Variants in SMTNL2 observed in about 807,000 individuals in gnomAD.
SMTNL2 encodes smoothelin like 2.
Under a neutral mutation model 44.1 loss-of-function variants are expected in SMTNL2, and 43 were observed. The ratio of observed to expected loss-of-function variants is 0.98; its 90% confidence interval spans 0.76 to 1.26. The LOEUF (loss-of-function observed/expected upper bound fraction) is 1.26, where lower values mean the gene tolerates loss of function less well. Among genes scored for constraint, SMTNL2 ranks in the 50% most tolerant of loss-of-function variants. SMTNL2 has a pLI of 0.00. For missense variants in SMTNL2, 646 were observed against 670.2 expected, an observed-to-expected ratio of 0.96 and a Z score of 0.40; for synonymous variants, 317 against 287.6, an observed-to-expected ratio of 1.10 and a Z score of -1.03.
intron 7 of SMTNL2, among the ~76,000 whole-genome samples, chr17:4,603,248 G>C (rs1403901899): frequency 6.6e-6 from 1 of 152,206 alleles, no homozygotes; most frequent in African/African-American, 2.4e-5. Flanking sequence ...GTTCGGAGAG[G>C]TGGGTCCTGG....
In SMTNL2 at chr17:4,595,360, C is replaced by T. The variant is rs779510443; in HGVS notation, c.989+33C>T. On this transcript the variant is annotated intron_variant, in intron 5 of 7. Transcript: ENST00000389313. This position sits in a 1 kb window ranked among gnomAD's most constrained non-coding sequence, Gnocchi z 5.1. ...TGCCCACTCACAGACAGGCCCGGCC[C>T]CACGGTGTGCCCAGACCCAGACGGG... is the stretch of plus-strand genomic sequence containing the variant. The T allele has an allele frequency of 6.2e-7, 1 of 1,602,148 alleles. No homozygotes were observed. Among genetic ancestry groups the T allele is most frequent in the Non-Finnish European group, 8.5e-7 (1 of 1,173,502 alleles).
chr17:4,606,086 G>C (rs77210589), intron 7 of SMTNL2, among the ~76,000 whole-genome samples: 11,068 of 152,136 alleles, frequency 0.073, 1,172 homozygotes, highest in African/African-American at 0.23. Context: ...GAGGGCCCTG[G>C]GGGGCTGGGG....
At position 4,595,171 on chromosome 17, in the gene SMTNL2, C is replaced by T. The variant is rs1046651219; in HGVS notation, c.833C>T (p.Ser278Leu). 8.4e-5 allele frequency: 136 copies of T among 1,613,080 alleles called. No individual in the cohort carries two copies. Among genetic ancestry groups the T allele is most frequent in the Non-Finnish European group, 1.1e-4 (127 of 1,179,998 alleles). ...NSPPLVTPPQSPVSPQPPAIT... is the reference protein window; with the variant it reads ...NSPPLVTPPQLPVSPQPPAIT... The stretch of plus-strand genomic sequence containing the variant: ...CCACCGCTGGTGACACCACCCCAGT[C>T]GCCCGTGTCCCCGCAGCCGCCAGCC... Residue 278 changes from serine to leucine, a missense_variant, in exon 5 of 8, where the codon TCG becomes TTG. By Grantham distance (145) the Ser-to-Leu change is moderately radical (BLOSUM62 -2). Transcript: ENST00000389313. The surrounding 1 kb of genome is among the most constrained non-coding windows in gnomAD (Gnocchi z 5.1).
chr17:4,584,916 C>T lies in SMTNL2; in HGVS notation c.311C>T (p.Pro104Leu). 7.7e-7 allele frequency: 1 copy of T among 1,293,608 alleles called. No homozygotes were observed. Among genetic ancestry groups the T allele is most frequent in the Non-Finnish European group, 9.7e-7 (1 of 1,026,258 alleles). The allele number at this position is 1,293,608 out of a possible 1,614,324, so 80.1% of individuals were successfully genotyped here. A position where few individuals can be genotyped will look rare whatever the true frequency, so the allele number is the denominator to read the frequency against. ...PGTPGTPSPP[P>L]APGVPDRAPR... is the part of the protein sequence containing the mutation. ...ACTCCCGGCACGCCCAGCCCCCCGCCCGCGCCCGGGGTTCCCGACCGCGCG... is the reference window on the plus strand; with the variant it reads ...ACTCCCGGCACGCCCAGCCCCCCGCTCGCGCCCGGGGTTCCCGACCGCGCG... Residue 104 changes from proline to leucine, a missense_variant, in exon 1 of 8, where the codon CCC becomes CTC. Physicochemically the swap from Pro to Leu is moderately conservative, Grantham distance 98. Coordinates refer to ENST00000389313, the MANE Select transcript of SMTNL2 (RefSeq NM_001114974.2).
Position 4,595,094 on chromosome 17 carries a change from G to A in SMTNL2, c.807-51G>A. On this transcript the variant is annotated intron_variant, in intron 4 of 7. Coordinates refer to ENST00000389313, the MANE Select transcript of SMTNL2 (RefSeq NM_001114974.2). The surrounding 1 kb of genome is among the most constrained non-coding windows in gnomAD (Gnocchi z 5.1). ...CAATGGAGACCTTGGGGCCTGGTGAGCTAGTGATGGCTGCTGGGCCCAGGT... is the reference window on the plus strand; with the variant it reads ...CAATGGAGACCTTGGGGCCTGGTGAACTAGTGATGGCTGCTGGGCCCAGGT... The A allele has an allele frequency of 1.2e-6, 2 of 1,611,584 alleles. No individual in the cohort carries two copies. The highest frequency in any genetic ancestry group is 1.7e-6 in the Non-Finnish European group (2 of 1,179,066).
At chr17:4,597,390 G>A (rs1909865179) in intron 7 of SMTNL2, 67 bp downstream of exon 7, 8 of 1,584,598 alleles carry the variant, frequency 5.0e-6, no homozygotes, top group Non-Finnish European at 2.6e-6. Flanking sequence ...TCTTCCCCAG[G>A]TGGGGCATGG....
chr17:4,597,115 C>G, intron 6 of SMTNL2, 57 bp from the exon 7 acceptor site: 1 of 1,581,204 alleles, frequency 6.3e-7, no homozygotes, highest in East Asian at 2.3e-5. Flanking sequence ...GGTAATTATG[C>G]CTTCCGAGTG....
chr17:4,591,724 G>A (rs1909579575), intron 1 of SMTNL2, among the ~76,000 whole-genome samples: 1 of 152,224 alleles, frequency 6.6e-6, no homozygotes, highest in Admixed American at 6.5e-5. Context: ...TGGCAGCACA[G>A]CCTGGATCCC....
upstream of SMTNL2, among the ~76,000 whole-genome samples, chr17:4,584,323 C>CGAAG (rs1197333397): frequency 1.3e-5 from 2 of 152,172 alleles, no homozygotes; most frequent in Non-Finnish European, 2.9e-5. Context: ...CCGCCCCTCC[C>CGAAG]GCAGGCCGCA....
At position 4,600,210 on chromosome 17, in the gene SMTNL2, A is replaced by T. The variant is rs920004340; in HGVS notation, c.1259+2887A>T. On this transcript the variant is annotated intron_variant, in intron 7 of 7. Transcript: ENST00000389313. The surrounding 1 kb of genome is among the most constrained non-coding windows in gnomAD (Gnocchi z 4.7). Reference sequence around the variant, plus strand: ...TGGATCACCTCATTTGTTGGACAATAGGCTGGTTAGAAGAGCTGGCAGGAA... The same window carrying T: ...TGGATCACCTCATTTGTTGGACAATTGGCTGGTTAGAAGAGCTGGCAGGAA... Among the ~76,000 whole-genome samples, 3 of 152,200 alleles carry T rather than the reference A, an allele frequency of 2.0e-5. No homozygotes were observed. Among genetic ancestry groups the T allele is most frequent in the African/African-American group, 7.2e-5 (3 of 41,422 alleles).
intron 1 of SMTNL2, among the ~76,000 whole-genome samples, chr17:4,591,064 C>A (rs924174646): frequency 1.3e-5 from 2 of 152,212 alleles, no homozygotes; most frequent in African/African-American, 4.8e-5. Flanking sequence ...CTGGATGTGG[C>A]TCAGGCACCC....
Position 4,607,334 on chromosome 17 carries a change from C to T in SMTNL2, c.1260-27C>T, listed in dbSNP as rs531837476. 2.5e-6 allele frequency: 4 copies of T among 1,612,906 alleles called. No individual in the cohort carries two copies. The highest frequency in any genetic ancestry group is 1.7e-4 in the Middle Eastern group (1 of 6,060). On this transcript the variant is annotated intron_variant, in intron 7 of 7. Coordinates refer to ENST00000389313, the MANE Select transcript of SMTNL2 (RefSeq NM_001114974.2). The surrounding 1 kb of genome is among the most constrained non-coding windows in gnomAD (Gnocchi z 4.7). Reference sequence around the variant, plus strand: ...GGGGCTGGCTGATGGCTGGGACCACCGTTCTGACGGGGCTTGTGTGTTTCA... The same window carrying T: ...GGGGCTGGCTGATGGCTGGGACCACTGTTCTGACGGGGCTTGTGTGTTTCA...
intron 7 of SMTNL2, among the ~76,000 whole-genome samples, chr17:4,604,614 T>A (rs997953442): frequency 3.9e-5 from 6 of 152,108 alleles, no homozygotes; most frequent in African/African-American, 1.4e-4. Context: ...TAAAGACACA[T>A]TGTGGAATCA....
rs1909772076 is a variant in SMTNL2, at chr17:4,595,475, A to G, written c.989+148A>G. 8.2e-7 allele frequency: 1 copy of G among 1,214,848 alleles called. No individual in the cohort carries two copies. The highest frequency in any genetic ancestry group is 1.1e-6 in the Non-Finnish European group (1 of 884,042). The allele number at this position is 1,214,848 out of a possible 1,614,324, so 75.3% of individuals were successfully genotyped here. Reference sequence around the variant, plus strand: ...GACAAGATCTCTTGGGCAAGGCACAAAGTTAGGGCTGGGCCACAGGGCAGC... The same window carrying G: ...GACAAGATCTCTTGGGCAAGGCACAGAGTTAGGGCTGGGCCACAGGGCAGC... On this transcript the variant is annotated intron_variant, in intron 5 of 7. Coordinates refer to ENST00000389313, the MANE Select transcript of SMTNL2 (RefSeq NM_001114974.2). The surrounding 1 kb of genome is among the most constrained non-coding windows in gnomAD (Gnocchi z 5.1).
Position 4,597,117 on chromosome 17 carries a change from T to C in SMTNL2, c.1108-55T>C, listed in dbSNP as rs1909850955. 42 of 1,584,864 alleles carry C rather than the reference T, an allele frequency of 2.7e-5. 2 individuals carry two copies. In the South Asian group the frequency reaches 4.7e-4, roughly 18 times the overall value. On this transcript the variant is annotated intron_variant, in intron 6 of 7. Coordinates refer to ENST00000389313, the MANE Select transcript of SMTNL2 (RefSeq NM_001114974.2). ...GGGTAGGAACCACGGTAATTATGCCTTCCGAGTGGGTGCCCAGCTGCCCTC... is the reference window on the plus strand; with the variant it reads ...GGGTAGGAACCACGGTAATTATGCCCTCCGAGTGGGTGCCCAGCTGCCCTC...
chr17:4,603,222 G>A (rs1453593004), intron 7 of SMTNL2, among the ~76,000 whole-genome samples: 1 of 152,200 alleles, frequency 6.6e-6, no homozygotes, highest in Non-Finnish European at 1.5e-5. Context: ...AGTGGGTTAG[G>A]GAGTGGCAAG....
rs1909624296 is a variant in SMTNL2, at chr17:4,592,549, G to A, written c.487+101G>A. 4 of 1,124,850 alleles carry A rather than the reference G, an allele frequency of 3.6e-6. No homozygotes were observed. Among genetic ancestry groups the A allele is most frequent in the Non-Finnish European group, 5.1e-6 (4 of 789,944 alleles). 69.7% of individuals were successfully genotyped at this position (1,124,850 alleles called of 1,614,324 possible). On this transcript the variant is annotated intron_variant, in intron 2 of 7. Coordinates refer to ENST00000389313, the MANE Select transcript of SMTNL2 (RefSeq NM_001114974.2). The surrounding 1 kb of genome is among the most constrained non-coding windows in gnomAD (Gnocchi z 4.5). ...AGGCTGGCCCTTGGCCTGGCATCGG[G>A]GGGACTCTATCCTGAACCCCAGCAG...
At chr17:4,585,117 AC>A (rs1909296773) in intron 1 of SMTNL2, 113 bp downstream of exon 1, 4 of 1,197,186 alleles carry the variant, frequency 3.3e-6, no homozygotes, top group Non-Finnish European at 4.2e-6. Context: ...TGGGGCCTTC[AC>A]CGGCCGCTCG....
At chr17:4,589,361 A>AC (rs1184238761) in intron 1 of SMTNL2, among the ~76,000 whole-genome samples, 1 of 151,952 alleles carries the variant, frequency 6.6e-6, no homozygotes, top group African/African-American at 2.4e-5. Flanking sequence ...GTGAGGGGGC[A>AC]CGGAGACCCC....
Sources: gnomAD v4.1 joint callset for allele counts (sites outside exome capture counted in the v4.1 genomes callset) on GRCh38, gnomAD v4.1.1 for gene constraint, Gnocchi (gnomAD v3.1) non-coding constraint, MANE v1.5 for transcripts, NCBI Gene and HGNC (gene_info 2026-07-23, HGNC 2026-07-21) for gene names.